The following ENTREP2 variants were observed in gnomAD, a reference collection of about 807,000 sequenced individuals.
ENTREP2 encodes endosomal transmembrane epsin interactor 2, also known as protein ENTREP2.
chr15:29,473,847 A>G, the ENTREP2 span, among the ~76,000 whole-genome samples: 3 of 152,182 alleles, frequency 2.0e-5, no homozygotes, highest in African/African-American at 7.2e-5. Context: ...CTGCTCTAGC[A>G]CTCATTCATG....
chr15:29,283,708 A>G, the ENTREP2 span, among the ~76,000 whole-genome samples: 1 of 152,242 alleles, frequency 6.6e-6, no homozygotes, highest in East Asian at 1.9e-4. Context: ...ACTACAGAGC[A>G]GAACTAATGA....
At chr15:29,526,061 T>C in the ENTREP2 span, among the ~76,000 whole-genome samples, 1 of 152,204 alleles carries the variant, frequency 6.6e-6, no homozygotes, top group African/African-American at 2.4e-5. Context: ...AGATTTAATA[T>C]GCTATGGCAG....
the ENTREP2 span, among the ~76,000 whole-genome samples, chr15:29,123,878 TG>T: frequency 6.6e-6 from 1 of 152,022 alleles, no homozygotes; most frequent in South Asian, 2.1e-4. Context: ...AGCGAAGGCC[TG>T]GGGGGAAGGG....
chr15:29,560,259 T>G, the ENTREP2 span, among the ~76,000 whole-genome samples: 1 of 152,108 alleles, frequency 6.6e-6, no homozygotes, highest in Non-Finnish European at 1.5e-5. Flanking sequence ...AAGACACTTA[T>G]TTGGAGGGGA....
At chr15:29,231,172 T>C in the ENTREP2 span, among the ~76,000 whole-genome samples, 1 of 152,200 alleles carries the variant, frequency 6.6e-6, no homozygotes, top group Non-Finnish European at 1.5e-5. Context: ...TTTCCACCAT[T>C]AGAACATTTC....
chr15:29,623,473 G>C, the ENTREP2 span, among the ~76,000 whole-genome samples: 1 of 152,190 alleles, frequency 6.6e-6, no homozygotes, highest in Non-Finnish European at 1.5e-5. Context: ...TTTGCTCAAG[G>C]TCATGCAGCA....
chr15:29,160,253 C>T, the ENTREP2 span, among the ~76,000 whole-genome samples: 5 of 152,322 alleles, frequency 3.3e-5, no homozygotes, highest in Admixed American at 6.5e-5. Flanking sequence ...CCCGCCCACG[C>T]GTCTCCCTCC....
the ENTREP2 span, among the ~76,000 whole-genome samples, chr15:29,135,896 GGGC>G: frequency 1.3e-5 from 2 of 152,216 alleles, no homozygotes; most frequent in Non-Finnish European, 2.9e-5. This position sits in a 1 kb window ranked among gnomAD's most constrained non-coding sequence, Gnocchi z 7.4. Flanking sequence ...AGACAGGCCG[GGGC>G]GCCCTGGGTA....
the ENTREP2 span, among the ~76,000 whole-genome samples, chr15:29,258,056 C>T: frequency 6.6e-6 from 1 of 151,542 alleles, no homozygotes; most frequent in African/African-American, 2.4e-5. Flanking sequence ...ACTAAAAATA[C>T]AAAAAAATTA....
the ENTREP2 span, chr15:29,136,504 G>GA: frequency 1.3e-6 from 2 of 1,547,226 alleles, no homozygotes; most frequent in South Asian, 1.2e-5. Context: ...GGAGGCCCCT[G>GA]AAAAGACAGA....
the ENTREP2 span, among the ~76,000 whole-genome samples, chr15:29,309,803 A>C: frequency 3.3e-5 from 5 of 151,280 alleles, no homozygotes; most frequent in Non-Finnish European, 7.4e-5. Flanking sequence ...AAAAAAAAAA[A>C]GTGCTCAGTG....
chr15:29,660,174 G>T, the ENTREP2 span, among the ~76,000 whole-genome samples: 2 of 152,184 alleles, frequency 1.3e-5, no homozygotes, highest in Admixed American at 1.3e-4. Flanking sequence ...TAAATAATAT[G>T]CAAGGATAAA....
the ENTREP2 span, among the ~76,000 whole-genome samples, chr15:29,427,420 TA>T: frequency 3.3e-5 from 5 of 152,284 alleles, no homozygotes; most frequent in Admixed American, 1.3e-4. Flanking sequence ...CTCAGTGGCT[TA>T]AAACAATACA....
the ENTREP2 span, among the ~76,000 whole-genome samples, chr15:29,512,139 G>A: frequency 1.3e-5 from 2 of 152,008 alleles, no homozygotes; most frequent in African/African-American, 4.8e-5. Context: ...GAACTACCAT[G>A]AACCTAATGA....
the ENTREP2 span, among the ~76,000 whole-genome samples, chr15:29,139,983 T>C: frequency 5.9e-5 from 9 of 152,304 alleles, no homozygotes; most frequent in African/African-American, 2.2e-4. Context: ...AGGCTCTGCC[T>C]GTAGGGGGTG....
the ENTREP2 span, among the ~76,000 whole-genome samples, chr15:29,390,202 A>C: frequency 6.6e-6 from 1 of 152,186 alleles, no homozygotes; most frequent in East Asian, 1.9e-4. Flanking sequence ...ACCAGCAAGG[A>C]TTATGTTGCA....
At chr15:29,314,592 G>A in the ENTREP2 span, among the ~76,000 whole-genome samples, 1 of 152,262 alleles carries the variant, frequency 6.6e-6, no homozygotes, top group East Asian at 1.9e-4. Context: ...ACAGTATAAT[G>A]TAATCATAGT....
chr15:29,334,583 ACT>A, the ENTREP2 span, among the ~76,000 whole-genome samples: 1 of 34,448 alleles, frequency 2.9e-5, no homozygotes, highest in Non-Finnish European at 2.6e-4. Context: ...TTGAACTTTG[ACT>A]GAGCGTATTA....
chr15:29,561,438 C>T, the ENTREP2 span, among the ~76,000 whole-genome samples: 3 of 152,034 alleles, frequency 2.0e-5, no homozygotes, highest in Non-Finnish European at 2.9e-5. Flanking sequence ...CTGTAATCCC[C>T]GCACTTTGGG....
Sources: gnomAD v4.1 joint callset for allele counts (sites outside exome capture counted in the v4.1 genomes callset) on GRCh38, gnomAD v4.1.1 for gene constraint, Gnocchi (gnomAD v3.1) non-coding constraint, MANE v1.5 for transcripts, NCBI Gene and HGNC (gene_info 2026-07-23, HGNC 2026-07-21) for gene names.